STXBP5L: variants seen among roughly 807,000 people sequenced by gnomAD.
STXBP5L encodes syntaxin binding protein 5L.
STXBP5L carries 65 observed loss-of-function variants against 144.5 expected under a neutral mutation model. That is an observed-to-expected ratio of 0.45 (90% CI 0.37 to 0.55). The LOEUF (loss-of-function observed/expected upper bound fraction) is 0.55. STXBP5L is among the 20% of genes least tolerant of loss of function. The pLI, the probability that STXBP5L is intolerant of heterozygous loss-of-function variation, is 0.00. For synonymous variants in STXBP5L, 505 were observed against 469.6 expected, an observed-to-expected ratio of 1.08 and a Z score of -0.97; for missense variants, 1,298 against 1,405.5, an observed-to-expected ratio of 0.92 and a Z score of 1.22.
intron 3 of STXBP5L, among the ~76,000 whole-genome samples, chr3:121,037,995 A>G (rs1462919311): frequency 6.6e-6 from 1 of 151,960 alleles, no homozygotes; most frequent in East Asian, 1.9e-4. Flanking sequence ...TTTTTATGGT[A>G]ATATTCCTTT....
At chr3:121,028,936 CA>C (rs1229694758) in intron 3 of STXBP5L, among the ~76,000 whole-genome samples, 1 of 151,962 alleles carries the variant, frequency 6.6e-6, no homozygotes, top group Non-Finnish European at 1.5e-5. Flanking sequence ...ACAATTGCTA[CA>C]AAGAGAATAA....
At position 121,301,242 on chromosome 3, in the gene STXBP5L, C is replaced by T. The variant is rs2051890503; in HGVS notation, c.2111-17233C>T. Among the ~76,000 whole-genome samples, 3 of 152,170 alleles carry T rather than the reference C, an allele frequency of 2.0e-5. No homozygotes were observed. The South Asian group carries it at 6.2e-4, about 31-fold the overall frequency. ...TTTCGTTGAGCAGTGGTTTGTAGTTCTCCTTAAAGAGGTCCTTCACATCCC... is the reference window on the plus strand; with the variant it reads ...TTTCGTTGAGCAGTGGTTTGTAGTTTTCCTTAAAGAGGTCCTTCACATCCC... On this transcript the variant is annotated intron_variant, in intron 19 of 26. Transcript: ENST00000471454.
intron 5 of STXBP5L, among the ~76,000 whole-genome samples, chr3:121,085,083 T>C (rs977005232): frequency 1.2e-4 from 19 of 152,156 alleles, no homozygotes; most frequent in African/African-American, 4.6e-4. Context: ...TTCTTGGAAA[T>C]TTGTTTACAT....
At chr3:121,362,456 C>G (rs191722234) in intron 20 of STXBP5L, among the ~76,000 whole-genome samples, 10 of 152,246 alleles carry the variant, frequency 6.6e-5, no homozygotes, top group African/African-American at 2.4e-4. Flanking sequence ...AAGACAGAGT[C>G]CTTCCTACTC....
intron 6 of STXBP5L, among the ~76,000 whole-genome samples, chr3:121,116,724 C>T (rs190298967): frequency 3.9e-5 from 6 of 151,988 alleles, no homozygotes; most frequent in Non-Finnish European, 7.4e-5. Context: ...AATTATGTTT[C>T]CCCCCAAAGT....
At chr3:121,014,883 T>C (rs929089294) in intron 3 of STXBP5L, among the ~76,000 whole-genome samples, 2 of 151,998 alleles carry the variant, frequency 1.3e-5, no homozygotes, top group Non-Finnish European at 2.9e-5. Context: ...ATATGAGTAA[T>C]AAATTGAAAA....
chr3:120,915,780 T>A (rs1422404639), intron 2 of STXBP5L, among the ~76,000 whole-genome samples: 1 of 152,072 alleles, frequency 6.6e-6, no homozygotes, highest in African/African-American at 2.4e-5. Context: ...ATTGATTAAG[T>A]TTTATACAGC....
intron 3 of STXBP5L, among the ~76,000 whole-genome samples, chr3:121,035,017 T>C (rs1479768706): frequency 6.6e-6 from 1 of 152,132 alleles, no homozygotes; most frequent in Non-Finnish European, 1.5e-5. Flanking sequence ...TAGGTCTTTG[T>C]TTGGAAAAAA....
intron 5 of STXBP5L, among the ~76,000 whole-genome samples, chr3:121,093,577 T>C (rs1033486934): frequency 2.9e-4 from 44 of 152,256 alleles, no homozygotes; most frequent in African/African-American, 1.0e-3. Context: ...TTTGTAGTAT[T>C]CGCTGATGGT....
intron 14 of STXBP5L, among the ~76,000 whole-genome samples, chr3:121,246,389 C>T (rs2049853766): frequency 6.6e-6 from 1 of 152,168 alleles, no homozygotes; most frequent in African/African-American, 2.4e-5. Context: ...TGTTAGACCA[C>T]ACATCTGTAG....
chr3:121,363,373 G>T (rs888359638), intron 20 of STXBP5L, among the ~76,000 whole-genome samples: 1 of 152,146 alleles, frequency 6.6e-6, no homozygotes, highest in Non-Finnish European at 1.5e-5. Context: ...AATTTATTTG[G>T]AGACACAGAG....
At chr3:121,184,267 C>A (rs1205366451) in intron 9 of STXBP5L, among the ~76,000 whole-genome samples, 1 of 151,298 alleles carries the variant, frequency 6.6e-6, no homozygotes, top group Admixed American at 6.6e-5. Flanking sequence ...CAAACTCCTC[C>A]AAGCTAAAGG....
intron 3 of STXBP5L, among the ~76,000 whole-genome samples, chr3:121,000,449 A>T (rs113174594): frequency 3.9e-4 from 59 of 152,002 alleles, no homozygotes; most frequent in African/African-American, 1.4e-3. Flanking sequence ...TGAGTTTTTC[A>T]TGTCTATCAG....
intron 3 of STXBP5L, among the ~76,000 whole-genome samples, chr3:120,984,675 A>G (rs1942130124): frequency 8.0e-6 from 1 of 124,750 alleles, no homozygotes; most frequent in African/African-American, 3.3e-5. Context: ...TCTGGCTAGA[A>G]CTTCTAGTAA....
intron 3 of STXBP5L, among the ~76,000 whole-genome samples, chr3:121,038,197 G>T (rs891484885): frequency 2.4e-4 from 37 of 151,368 alleles, no homozygotes; most frequent in African/African-American, 8.7e-4. Context: ...AAATTAATTT[G>T]CTCTTCTTTT....
chr3:121,166,821 T>C (rs1298091281), intron 9 of STXBP5L, among the ~76,000 whole-genome samples: 2 of 152,182 alleles, frequency 1.3e-5, no homozygotes, highest in Non-Finnish European at 2.9e-5. Flanking sequence ...AACGACAAAA[T>C]ATCTGCAACT....
chr3:120,981,036 C>T (rs373107026), intron 3 of STXBP5L, among the ~76,000 whole-genome samples: 2 of 152,122 alleles, frequency 1.3e-5, no homozygotes, highest in South Asian at 2.1e-4. Context: ...AGGAACCCAG[C>T]ATCTTCTTGT....
At chr3:121,306,139 G>T (rs114034544) in intron 19 of STXBP5L, among the ~76,000 whole-genome samples, 1 of 152,210 alleles carries the variant, frequency 6.6e-6, no homozygotes, top group Non-Finnish European at 1.5e-5. Flanking sequence ...AGAAATTGTC[G>T]TAAGGGCATA....
At chr3:121,065,963 G>A (rs1327611292) in intron 5 of STXBP5L, among the ~76,000 whole-genome samples, 1 of 152,150 alleles carries the variant, frequency 6.6e-6, no homozygotes, top group Admixed American at 6.5e-5. Context: ...CTCTCAATAA[G>A]CCAGCTCACA....
Sources: gnomAD v4.1 joint callset for allele counts (sites outside exome capture counted in the v4.1 genomes callset) on GRCh38, gnomAD v4.1.1 for gene constraint, MANE v1.5 for transcripts, NCBI Gene and HGNC (gene_info 2026-07-23, HGNC 2026-07-21) for gene names.